TGFBR3: variants seen among roughly 807,000 people sequenced by gnomAD.
TGFBR3 encodes the protein transforming growth factor beta receptor 3, also known as transforming growth factor beta receptor type 3.
TGFBR3 carries 46 observed loss-of-function variants against 87.9 expected under a neutral mutation model. That is an observed-to-expected ratio of 0.52 (90% CI 0.41 to 0.67). The LOEUF (loss-of-function observed/expected upper bound fraction) is 0.67. Ranked by LOEUF, TGFBR3 falls within the 30% of genes least tolerant of loss-of-function variation. The pLI is 0.00. For synonymous variants in TGFBR3, 381 were observed against 391.6 expected, an observed-to-expected ratio of 0.97 and a Z score of 0.32; for missense variants, 866 against 1,041.9, an observed-to-expected ratio of 0.83 and a Z score of 2.32.
chr1:91,732,476 C>CT (rs1406082866), intron 5 of TGFBR3, among the ~76,000 whole-genome samples: 1 of 152,202 alleles, frequency 6.6e-6, no homozygotes, highest in Non-Finnish European at 1.5e-5. Context: ...AAACCACACT[C>CT]TGAGAACTGC....
chr1:91,755,812 G>A (rs1237848792), intron 4 of TGFBR3, among the ~76,000 whole-genome samples: 2 of 152,120 alleles, frequency 1.3e-5, no homozygotes, highest in Admixed American at 6.6e-5. Context: ...TATGACATAC[G>A]TAGCCCACAC....
rs1671689434 is a variant in TGFBR3, at chr1:91,703,411, G to A, written c.2287+5252C>T. On this transcript the variant is annotated intron_variant, in intron 14 of 16. Coordinates refer to ENST00000212355, the MANE Select transcript of TGFBR3 (RefSeq NM_003243.5). The stretch of plus-strand genomic sequence containing the variant: ...ATTTACTGAGTATCCAAGATATGCA[G>A]GCATTTTTATTTTTTAAAGTTAGGT... Among the ~76,000 whole-genome samples the A allele has an allele frequency of 2.0e-5, 3 of 152,162 alleles. No homozygotes were observed. In the South Asian group the frequency reaches 6.2e-4, roughly 31 times the overall value.
intron 2 of TGFBR3, among the ~76,000 whole-genome samples, chr1:91,836,827 C>T (rs1677085938): frequency 6.6e-6 from 1 of 152,110 alleles, no homozygotes; most frequent in Admixed American, 6.6e-5. Context: ...CACATACACG[C>T]TGCATTAGAT....
In TGFBR3 at chr1:91,745,570, G is replaced by A. The variant is rs936420035; in HGVS notation, c.385-10611C>T. ...ATGTATTTTGGACACACAAAGTCCA[G>A]CAAAAACAAACATACTGGAACAGCA... On this transcript the variant is annotated intron_variant, in intron 4 of 16. Transcript: ENST00000212355. 5.3e-5 allele frequency among the ~76,000 whole-genome samples: 8 copies of A among 152,158 alleles called. No homozygotes were observed. The East Asian group carries it at 1.5e-3, about 29-fold the overall frequency.
chr1:91,786,149 G>T (rs1454010694), intron 3 of TGFBR3: 2 of 454,416 alleles, frequency 4.4e-6, no homozygotes, highest in Non-Finnish European at 8.8e-6. Context: ...AGGTGCTAAA[G>T]ACATAAAAAT....
chr1:91,732,237 C>T (rs945537654), intron 5 of TGFBR3, among the ~76,000 whole-genome samples: 12 of 152,052 alleles, frequency 7.9e-5, no homozygotes, highest in Admixed American at 3.3e-4. Context: ...CTTGAAGCCT[C>T]GCAGCAAGAC....
chr1:91,799,435 C>A (rs1045591617), intron 2 of TGFBR3, among the ~76,000 whole-genome samples: 2 of 152,224 alleles, frequency 1.3e-5, no homozygotes, highest in African/African-American at 2.4e-5. Flanking sequence ...CAGGTGCTCC[C>A]TCTGCTGCCC....
intron 3 of TGFBR3, among the ~76,000 whole-genome samples, chr1:91,765,830 T>G (rs1674161334): frequency 6.6e-6 from 1 of 152,134 alleles, no homozygotes. Context: ...GTTAGAATGA[T>G]TAGAAATTAA....
At chr1:91,886,235 C>T, upstream of TGFBR3, 1 of 446,896 alleles carries the variant, frequency 2.2e-6, no homozygotes, top group Non-Finnish European at 4.5e-6. Flanking sequence ...GCAATCAGCG[C>T]GCGGGGGGAA....
chr1:91,734,644 A>G (rs550244741), intron 5 of TGFBR3, 132 bp downstream of exon 5: 3 of 1,158,662 alleles, frequency 2.6e-6, no homozygotes, highest in East Asian at 4.7e-5. Context: ...CTGGGGCCAA[A>G]TGACCCCTCA....
intron 2 of TGFBR3, among the ~76,000 whole-genome samples, chr1:91,853,355 T>C (rs1346816257): frequency 6.6e-6 from 1 of 150,610 alleles, no homozygotes; most frequent in African/African-American, 2.4e-5. Flanking sequence ...CCATCTTCTA[T>C]CCTTACATTC....
At chr1:91,771,594 T>C (rs1486278189) in intron 3 of TGFBR3, among the ~76,000 whole-genome samples, 1 of 150,996 alleles carries the variant, frequency 6.6e-6, no homozygotes, top group African/African-American at 2.4e-5. Flanking sequence ...TAGTCCCAGC[T>C]ACTCAGGAGG....
intron 3 of TGFBR3, among the ~76,000 whole-genome samples, chr1:91,761,330 G>A (rs17131553): frequency 0.073 from 11,106 of 152,176 alleles, 426 homozygotes; most frequent in Non-Finnish European, 0.082. Flanking sequence ...ACAATCAAGG[G>A]AAGATTTCTA....
chr1:91,728,157 G>A (rs1371248255), intron 6 of TGFBR3, among the ~76,000 whole-genome samples: 5 of 152,002 alleles, frequency 3.3e-5, no homozygotes, highest in African/African-American at 4.8e-5. Context: ...CAACACCTTC[G>A]ATGTACAGGA....
intron 12 of TGFBR3, 72 bp downstream of exon 12, chr1:91,716,163 TA>T: frequency 1.9e-6 from 3 of 1,577,166 alleles, no homozygotes; most frequent in Non-Finnish European, 2.6e-6. Context: ...CTGTACAGGG[TA>T]TTTTAGCTGA....
rs902585777 is a variant in TGFBR3, at chr1:91,726,662, T to C, written c.885+997A>G. ...AGGGAACTGTTGGCTTTGCTCACTG[T>C]GGTATCACATGGAAGGTGCCATGAA... On this transcript the variant is annotated intron_variant, in intron 7 of 16. Transcript: ENST00000212355. 2.6e-5 allele frequency among the ~76,000 whole-genome samples: 4 copies of C among 152,032 alleles called. No homozygotes were observed. The East Asian group carries it at 7.7e-4, about 29-fold the overall frequency.
intron 16 of TGFBR3, among the ~76,000 whole-genome samples, chr1:91,684,642 G>A (rs550128428): frequency 1.3e-5 from 2 of 152,242 alleles, no homozygotes; most frequent in South Asian, 4.2e-4. Context: ...CAGTGCTTTG[G>A]AGAGGAAGGA....
intron 2 of TGFBR3, among the ~76,000 whole-genome samples, chr1:91,835,827 C>CAAAAAAAAAAAAAAAAAAAAAAAAAAA (rs57326419): frequency 1.3e-5 from 1 of 74,746 alleles, no homozygotes. Flanking sequence ...GACTCCACCT[C>CAAAAAAAAAAAAAAAAAAAAAAAAAAA]AAAAAAAAAA....
chr1:91,761,687 G>A (rs1410784434), intron 3 of TGFBR3, among the ~76,000 whole-genome samples: 1 of 151,564 alleles, frequency 6.6e-6, no homozygotes, highest in Non-Finnish European at 1.5e-5. Context: ...AAAGCTTCCA[G>A]AAATGTAGAG....
Sources: gnomAD v4.1 joint callset for allele counts (sites outside exome capture counted in the v4.1 genomes callset) on GRCh38, gnomAD v4.1.1 for gene constraint, MANE v1.5 for transcripts, NCBI Gene and HGNC (gene_info 2026-07-23, HGNC 2026-07-21) for gene names.